MYRFL: variants seen among roughly 807,000 people sequenced by gnomAD.
MYRFL encodes the protein myelin regulatory factor-like protein.
Under a neutral mutation model 109.4 loss-of-function variants are expected in MYRFL, and 88 were observed. The observed-to-expected ratio is 0.80, with a 90% CI of 0.68 to 0.96. The LOEUF (loss-of-function observed/expected upper bound fraction) is 0.96. MYRFL is among the 40% of genes least tolerant of loss of function. The pLI is 0.00. For missense variants in MYRFL, 957 were observed against 954.9 expected, an observed-to-expected ratio of 1.00 and a Z score of -0.03; for synonymous variants, 324 against 320.9, an observed-to-expected ratio of 1.01 and a Z score of -0.10.
chr12:69,905,023 G>A (rs539302874), intron 11 of MYRFL, among the ~76,000 whole-genome samples: 44 of 152,268 alleles, frequency 2.9e-4, no homozygotes, highest in African/African-American at 9.6e-4. Context: ...GTTCATATTA[G>A]AAGAGCTGTG....
At chr12:69,862,311 T>A (rs1428121754) in intron 2 of MYRFL, among the ~76,000 whole-genome samples, 7 of 150,826 alleles carry the variant, frequency 4.6e-5, no homozygotes, top group African/African-American at 1.7e-4. Flanking sequence ...TTGATGGGGA[T>A]GGCATTGAAT....
At chr12:69,938,529 C>A (rs1273775862) in intron 19 of MYRFL, among the ~76,000 whole-genome samples, 1 of 152,128 alleles carries the variant, frequency 6.6e-6, no homozygotes, top group Non-Finnish European at 1.5e-5. Flanking sequence ...ACACTAGTGG[C>A]CCCATAAGAT....
chr12:69,825,300 T>G lies in MYRFL; in HGVS notation c.-218T>G. The stretch of plus-strand genomic sequence containing the variant: ...TCCCTCTTCATGAATTTTTTTTAAA[T>G]GTATGGTTGTATATCCTTCCAGTTT... On this transcript the variant is annotated 5_prime_UTR_variant, in exon 1 of 25. It removes an upstream start codon present in the reference 5' UTR. Coordinates refer to ENST00000552032, the MANE Select transcript of MYRFL (RefSeq NM_182530.3). The G allele has an allele frequency of 1.5e-6, 1 of 684,974 alleles. No homozygotes were observed. The highest frequency in any genetic ancestry group is 1.8e-5 in the African/African-American group (1 of 56,576). The allele number at this position is 684,974 out of a possible 1,614,324, so 42.4% of individuals were successfully genotyped here.
At chr12:69,941,942 G>T (rs1244882225) in intron 19 of MYRFL, among the ~76,000 whole-genome samples, 6 of 151,016 alleles carry the variant, frequency 4.0e-5, no homozygotes, top group Admixed American at 6.6e-5. Context: ...TAGAAGAAAT[G>T]GATAAATTCC....
At chr12:69,938,824 C>T (rs1187707680) in intron 19 of MYRFL, among the ~76,000 whole-genome samples, 1 of 152,088 alleles carries the variant, frequency 6.6e-6, no homozygotes, top group Non-Finnish European at 1.5e-5. Context: ...GGGCGCAGGT[C>T]AGTGGGTGCG....
At chr12:69,937,827 G>C (rs1955517043) in intron 19 of MYRFL, among the ~76,000 whole-genome samples, 1 of 152,172 alleles carries the variant, frequency 6.6e-6, no homozygotes, top group African/African-American at 2.4e-5. Context: ...GCATATCCTA[G>C]TCTTGGTTAA....
chr12:69,897,048 ACT>A, intron 9 of MYRFL, 106 bp from the exon 10 acceptor site: 1 of 768,388 alleles, frequency 1.3e-6, no homozygotes, highest in Non-Finnish European at 2.2e-6. Flanking sequence ...AAATAAGCAA[ACT>A]CTTCTCGATA....
intron 7 of MYRFL, among the ~76,000 whole-genome samples, chr12:69,892,408 TG>T (rs57718570): frequency 0.043 from 6,555 of 152,248 alleles, 530 homozygotes; most frequent in African/African-American, 0.15. Context: ...TTGTTGTTTT[TG>T]TTGTTGTTTT....
At chr12:69,906,418 G>T (rs1269607253) in intron 11 of MYRFL, among the ~76,000 whole-genome samples, 1 of 152,112 alleles carries the variant, frequency 6.6e-6, no homozygotes, top group Non-Finnish European at 1.5e-5. Flanking sequence ...GCAAAACTAG[G>T]GGGGAAGGAC....
intron 1 of MYRFL, among the ~76,000 whole-genome samples, chr12:69,854,983 A>G (rs1884183052): frequency 6.6e-6 from 1 of 152,268 alleles, no homozygotes; most frequent in African/African-American, 2.4e-5. Flanking sequence ...TAAACAAGGA[A>G]AAGGACAGAA....
intron 2 of MYRFL, among the ~76,000 whole-genome samples, chr12:69,868,108 T>C (rs1253112720): frequency 1.4e-5 from 2 of 147,298 alleles, no homozygotes; most frequent in African/African-American, 5.2e-5. Flanking sequence ...CTTTTTTTTT[T>C]CTTTTTTTTT....
At chr12:69,949,578 C>G (rs889277054) in intron 19 of MYRFL, among the ~76,000 whole-genome samples, 3 of 152,152 alleles carry the variant, frequency 2.0e-5, no homozygotes, top group Admixed American at 6.5e-5. Context: ...CCACATGCGG[C>G]CCAGGACGGC....
rs543442286 is a variant in MYRFL at position 69,931,304 on chromosome 12, A to G, written c.1831-1209A>G. On this transcript the variant is annotated intron_variant, in intron 15 of 24. Transcript: ENST00000552032. ...ATTGAGTTTCTTCTCTGTGCAGTAC[A>G]CTATTAAGACGTCCTCCGAACAGTT... 5.9e-5 allele frequency among the ~76,000 whole-genome samples: 9 copies of G among 152,294 alleles called. No individual in the cohort carries two copies. The East Asian group carries it at 1.7e-3, about 29-fold the overall frequency.
At chr12:69,914,472 A>T (rs936989978) in intron 13 of MYRFL, among the ~76,000 whole-genome samples, 5 of 152,136 alleles carry the variant, frequency 3.3e-5, no homozygotes, top group Non-Finnish European at 7.4e-5. Context: ...TAACTTCTGG[A>T]TGTGGCCCTC....
At chr12:69,926,117 CTTTTT>C (rs147973443) in intron 13 of MYRFL, among the ~76,000 whole-genome samples, 12 of 84,848 alleles carry the variant, frequency 1.4e-4, no homozygotes, top group African/African-American at 2.4e-4. Context: ...TCTTCTTCTT[CTTTTT>C]TTTTTTTTTT....
At chr12:69,946,106 T>G (rs987118177) in intron 19 of MYRFL, among the ~76,000 whole-genome samples, 6 of 151,902 alleles carry the variant, frequency 3.9e-5, no homozygotes, top group Non-Finnish European at 5.9e-5. Context: ...TTATTGTTTT[T>G]AGAAATGTTC....
At chr12:69,944,709 C>A (rs1955777939) in intron 19 of MYRFL, among the ~76,000 whole-genome samples, 1 of 151,780 alleles carries the variant, frequency 6.6e-6, no homozygotes, top group African/African-American at 2.4e-5. Context: ...AAAGAAAAGA[C>A]AAATATTTAA....
At chr12:69,826,113 A>G (rs767986146) in intron 1 of MYRFL, among the ~76,000 whole-genome samples, 1 of 152,110 alleles carries the variant, frequency 6.6e-6, no homozygotes, top group Non-Finnish European at 1.5e-5. Context: ...AATGGGCTGA[A>G]TAGTAAACAA....
In MYRFL at chr12:69,855,351, G is replaced by A. The variant is rs1884210686; in HGVS notation, c.118G>A (p.Asp40Asn). 1 of 702,548 alleles carries A rather than the reference G, an allele frequency of 1.4e-6. No individual in the cohort carries two copies. Among genetic ancestry groups the A allele is most frequent in the Admixed American group, 2.0e-5 (1 of 49,994 alleles). 43.5% of individuals were successfully genotyped at this position (702,548 alleles called of 1,614,324 possible). The part of the protein sequence containing the change: ...TSLLEEFLGN[D>N]FDLGALQRQL... The stretch of plus-strand genomic sequence containing the variant: ...TCTGTTGGAGGAATTTCTGGGCAAT[G>A]ACTTTGATTTGGGGGCCTTGTAAGT... Residue 40 changes from aspartate to asparagine, a missense_variant, in exon 2 of 25, where the codon GAC becomes AAC. Physicochemically the swap from Asp to Asn is conservative, Grantham distance 23. Coordinates refer to ENST00000552032, the MANE Select transcript of MYRFL (RefSeq NM_182530.3).
Sources: gnomAD v4.1 joint callset for allele counts (sites outside exome capture counted in the v4.1 genomes callset) on GRCh38, gnomAD v4.1.1 for gene constraint, MANE v1.5 for transcripts, NCBI Gene and HGNC (gene_info 2026-07-23, HGNC 2026-07-21) for gene names.